Variants in TFEC observed in about 807,000 individuals in gnomAD.
The protein encoded by TFEC is transcription factor EC, also known as class E basic helix-loop-helix protein 34.
TFEC carries 31 observed loss-of-function variants against 41.6 expected under a neutral mutation model. The observed-to-expected ratio is 0.74, with a 90% CI of 0.56 to 1.01. The LOEUF is 1.01. Among genes scored for constraint, TFEC ranks in the 50% least tolerant of loss-of-function variants. The pLI, the probability that TFEC is intolerant of heterozygous loss-of-function variation, is 0.00. For missense variants in TFEC, 402 were observed against 404.1 expected (o/e 0.99, Z 0.04); for synonymous variants, 143 against 140.6 (o/e 1.02, Z -0.12).
chr7:116,041,074 G>T (rs1796025025), intron 3 of TFEC, among the ~76,000 whole-genome samples: 1 of 152,050 alleles, frequency 6.6e-6, no homozygotes, highest in Non-Finnish European at 1.5e-5. Context: ...AGATGAAAAG[G>T]ATCGGTTAAA....
At chr7:116,152,741 A>G (rs1236840084) in intron 1 of TFEC, among the ~76,000 whole-genome samples, 1 of 152,212 alleles carries the variant, frequency 6.6e-6, no homozygotes, top group African/African-American at 2.4e-5. Flanking sequence ...TGAAAGGATA[A>G]ATATGTTTCT....
intron 1 of TFEC, among the ~76,000 whole-genome samples, chr7:116,113,702 C>T (rs994199470): frequency 6.6e-6 from 1 of 151,998 alleles, no homozygotes; most frequent in Admixed American, 6.6e-5. Context: ...TAAAATAAAT[C>T]TGTGTGAGCT....
At chr7:115,950,241 A>G (rs1028250689) in intron 6 of TFEC, among the ~76,000 whole-genome samples, 1 of 152,034 alleles carries the variant, frequency 6.6e-6, no homozygotes, top group African/African-American at 2.4e-5. Context: ...TAAACTCCTG[A>G]CCTCAAGTGA....
At chr7:115,966,901 C>T (rs562749786) in intron 3 of TFEC, among the ~76,000 whole-genome samples, 1 of 151,790 alleles carries the variant, frequency 6.6e-6, no homozygotes, top group Non-Finnish European at 1.5e-5. Flanking sequence ...TTTTTCCTTT[C>T]ACCCTAATAA....
At chr7:116,110,485 GT>G (rs1265068012) in intron 3 of TFEC, among the ~76,000 whole-genome samples, 1 of 152,076 alleles carries the variant, frequency 6.6e-6, no homozygotes, top group Non-Finnish European at 1.5e-5. Flanking sequence ...TGTACTTTGG[GT>G]TCTTTGTTGC....
chr7:116,091,946 C>G (rs1797338882), intron 3 of TFEC, among the ~76,000 whole-genome samples: 1 of 152,100 alleles, frequency 6.6e-6, no homozygotes, highest in Non-Finnish European at 1.5e-5. Flanking sequence ...AACTGAATCT[C>G]TCAAACAAAA....
rs562060106 is a variant in TFEC at position 116,008,797 on chromosome 7, C to T, written c.-73+21836G>A. Among the ~76,000 whole-genome samples, 42 of 152,176 alleles carry T rather than the reference C, an allele frequency of 2.8e-4. No individual in the cohort carries two copies. In the South Asian group the frequency reaches 7.1e-3, roughly 26 times the overall value. ...ATAACTACTGAACTAAAGTAGAGCC[C>T]GGTTCATCAAAAGTTTTACTTAGGT... On this transcript the variant is annotated intron_variant, in intron 1 of 7. Coordinates refer to ENST00000265440, the MANE Select transcript of TFEC (RefSeq NM_012252.4).
intron 3 of TFEC, among the ~76,000 whole-genome samples, chr7:116,071,141 A>C (rs562927375): frequency 5.9e-5 from 9 of 151,382 alleles, no homozygotes; most frequent in Non-Finnish European, 1.3e-4. Context: ...TTTGAGGATC[A>C]AAAAGCCAAC....
chr7:116,068,000 T>G (rs1436250702), intron 3 of TFEC, among the ~76,000 whole-genome samples: 1 of 151,802 alleles, frequency 6.6e-6, no homozygotes, highest in Non-Finnish European at 1.5e-5. Flanking sequence ...TCTATCTCTC[T>G]GATATATCTA....
At chr7:116,084,970 A>G (rs1054451534) in intron 3 of TFEC, among the ~76,000 whole-genome samples, 1 of 151,918 alleles carries the variant, frequency 6.6e-6, no homozygotes, top group African/African-American at 2.4e-5. Flanking sequence ...GCTAATGGAG[A>G]TGTCAGAAGA....
At chr7:116,126,043 T>TC (rs1255498557) in intron 1 of TFEC, among the ~76,000 whole-genome samples, 4 of 152,000 alleles carry the variant, frequency 2.6e-5, no homozygotes, top group African/African-American at 9.7e-5. Flanking sequence ...GCTTCCCACA[T>TC]CCCCACCCTG....
At chr7:116,129,435 G>A (rs984158762) in intron 1 of TFEC, among the ~76,000 whole-genome samples, 7 of 150,730 alleles carry the variant, frequency 4.6e-5, no homozygotes, top group African/African-American at 9.8e-5. Context: ...TTTTAAATAC[G>A]GCATACAGAG....
intron 1 of TFEC, among the ~76,000 whole-genome samples, chr7:116,116,851 G>C (rs538645113): frequency 1.3e-5 from 2 of 151,702 alleles, no homozygotes; most frequent in Non-Finnish European, 2.9e-5. Flanking sequence ...GTCACAGGAA[G>C]ACTTTTTCTA....
At chr7:116,008,984 A>T (rs2130805986) in intron 1 of TFEC, among the ~76,000 whole-genome samples, 1 of 152,344 alleles carries the variant, frequency 6.6e-6, no homozygotes, top group Non-Finnish European at 1.5e-5. Flanking sequence ...CACACTTAAA[A>T]GACTAAAAAG....
At chr7:116,017,414 G>A (rs903590166) in intron 1 of TFEC, among the ~76,000 whole-genome samples, 24 of 152,070 alleles carry the variant, frequency 1.6e-4, no homozygotes, top group African/African-American at 5.8e-4. Flanking sequence ...CGTAGAGATG[G>A]AGTTTCCCCA....
chr7:116,119,153 T>G (rs1798055501), intron 1 of TFEC, among the ~76,000 whole-genome samples: 1 of 151,838 alleles, frequency 6.6e-6, no homozygotes, highest in Admixed American at 6.6e-5. Flanking sequence ...TCAATAAATT[T>G]ATTAATGCTT....
chr7:116,101,198 A>AC (rs1797596966), intron 3 of TFEC, among the ~76,000 whole-genome samples: 2 of 86,584 alleles, frequency 2.3e-5, no homozygotes, highest in Non-Finnish European at 4.7e-5. Flanking sequence ...GCCCCCCCCC[A>AC]AAAAAAAGAA....
intron 3 of TFEC, among the ~76,000 whole-genome samples, chr7:116,100,167 C>T (rs972842651): frequency 1.4e-4 from 22 of 152,138 alleles, no homozygotes; most frequent in African/African-American, 5.3e-4. Flanking sequence ...ATATATTTTA[C>T]TAAATATACC....
intron 1 of TFEC, among the ~76,000 whole-genome samples, chr7:116,005,565 G>A (rs1302377834): frequency 6.6e-6 from 1 of 152,178 alleles, no homozygotes; most frequent in African/African-American, 2.4e-5. Flanking sequence ...GCATTCAAGA[G>A]GTGACTTGGG....
Sources: allele counts gnomAD v4.1 joint callset (sites outside exome capture counted in the v4.1 genomes callset), GRCh38; gene constraint gnomAD v4.1.1; transcripts MANE v1.5; gene names NCBI Gene and HGNC (gene_info 2026-07-23, HGNC 2026-07-21).